The following LHFPL2 variants were observed in gnomAD, a reference collection of about 807,000 sequenced individuals.
LHFPL2 encodes the protein LHFPL tetraspan subfamily member 2, also known as LHFPL tetraspan subfamily member 2 protein.
A neutral mutation model predicts 17.5 loss-of-function variants in LHFPL2; 7 were observed. The ratio of observed to expected loss-of-function variants is 0.40; its 90% CI spans 0.23 to 0.75. The LOEUF (loss-of-function observed/expected upper bound fraction) is 0.75, where lower values mean the gene tolerates loss of function less well. LHFPL2 is among the 30% of genes least tolerant of loss of function. The pLI is 0.37. For missense variants in LHFPL2, 241 were observed against 294.8 expected, an observed-to-expected ratio of 0.82 and a Z score of 1.34; for synonymous variants, 134 against 116.2, an observed-to-expected ratio of 1.15 and a Z score of -0.99.
At chr5:78,513,401 T>C (rs905210036) in intron 3 of LHFPL2, among the ~76,000 whole-genome samples, 5 of 152,210 alleles carry the variant, frequency 3.3e-5, no homozygotes, top group African/African-American at 9.6e-5. Flanking sequence ...CTCACACCCA[T>C]ACAAGATTGG....
chr5:78,535,418 C>G (rs1755918569), intron 3 of LHFPL2, among the ~76,000 whole-genome samples: 1 of 152,162 alleles, frequency 6.6e-6, no homozygotes, highest in African/African-American at 2.4e-5. Context: ...CAGTGCCTCC[C>G]AAAGGGAAGA....
intron 3 of LHFPL2, among the ~76,000 whole-genome samples, chr5:78,554,987 T>C (rs1756535214): frequency 6.6e-6 from 1 of 152,230 alleles, no homozygotes; most frequent in East Asian, 1.9e-4. Flanking sequence ...ATCTCAAAAA[T>C]ATTAATTTTA....
chr5:78,488,751 GGCCTCTCATTGGTCCTGTTTAA>G lies in LHFPL2; in HGVS notation c.*124_*145del, dbSNP rs1754334820. On this transcript the variant is annotated 3_prime_UTR_variant, in exon 5 of 5. Coordinates refer to ENST00000380345, the MANE Select transcript of LHFPL2 (RefSeq NM_005779.3). ...CCAGTAACTTTGCGTAGCTGGATGT[GGCCTCTCATTGGTCCTGTTTAA>G]GCCTCGGGCCGTGGAACGTGGCTTT... 1.3e-6 allele frequency: 1 copy of G among 795,150 alleles called. No homozygotes were observed. Among genetic ancestry groups the G allele is most frequent in the Non-Finnish European group, 2.0e-6 (1 of 488,752 alleles). The allele number at this position is 795,150 out of a possible 1,614,324, so 49.3% of individuals were successfully genotyped here. A position where few individuals can be genotyped will look rare whatever the true frequency, so the allele number is the denominator to read the frequency against.
intron 3 of LHFPL2, among the ~76,000 whole-genome samples, chr5:78,511,649 TAAGG>T (rs1290985131): frequency 2.6e-5 from 4 of 151,952 alleles, no homozygotes; most frequent in Admixed American, 6.5e-5. Context: ...AGCGGAGAAA[TAAGG>T]AAGCCCAGTG....
At chr5:78,534,558 T>C (rs1329501393) in intron 3 of LHFPL2, among the ~76,000 whole-genome samples, 1 of 152,196 alleles carries the variant, frequency 6.6e-6, no homozygotes, top group Admixed American at 6.5e-5. Flanking sequence ...TGGGTTTTCT[T>C]TTCCTGACTC....
chr5:78,554,248 C>A (rs987293234), intron 3 of LHFPL2, among the ~76,000 whole-genome samples: 8 of 152,250 alleles, frequency 5.3e-5, no homozygotes, highest in African/African-American at 1.9e-4. Flanking sequence ...ACAGCGAGCA[C>A]CCAGGACTTC....
chr5:78,586,938 T>C (rs1014310707), intron 2 of LHFPL2, among the ~76,000 whole-genome samples: 3 of 152,222 alleles, frequency 2.0e-5, no homozygotes, highest in African/African-American at 7.2e-5. Flanking sequence ...TGAATACTTA[T>C]TGGATTTTTA....
At chr5:78,489,250 A>C in intron 4 of LHFPL2, 97 bp from the exon 5 acceptor site, 1 of 1,396,890 alleles carries the variant, frequency 7.2e-7, no homozygotes, top group Non-Finnish European at 9.9e-7. Context: ...GCTTTGGGCA[A>C]GGGCATCTAT....
intron 3 of LHFPL2, among the ~76,000 whole-genome samples, chr5:78,540,008 A>G (rs745327416): frequency 8.5e-5 from 13 of 152,220 alleles, no homozygotes; most frequent in Non-Finnish European, 1.5e-4. Flanking sequence ...AGTCTCTACA[A>G]GAATTCTAAA....
At chr5:78,581,479 T>C (rs1421803572) in intron 2 of LHFPL2, among the ~76,000 whole-genome samples, 1 of 152,134 alleles carries the variant, frequency 6.6e-6, no homozygotes, top group Non-Finnish European at 1.5e-5. Flanking sequence ...AATACCTAAT[T>C]TATTGAGAGT....
At chr5:78,647,633 G>A (rs924588087) in intron 1 of LHFPL2, among the ~76,000 whole-genome samples, 2 of 152,104 alleles carry the variant, frequency 1.3e-5, no homozygotes, top group African/African-American at 4.8e-5. Context: ...TACAGGAAAT[G>A]GCCCGGGTGG....
chr5:78,506,895 C>G (rs766541795), intron 4 of LHFPL2, among the ~76,000 whole-genome samples: 2 of 152,106 alleles, frequency 1.3e-5, no homozygotes, highest in African/African-American at 2.4e-5. Flanking sequence ...TGAGATGCTG[C>G]ATAAGTAACA....
intron 2 of LHFPL2, among the ~76,000 whole-genome samples, chr5:78,611,328 G>A (rs1388547410): frequency 1.3e-5 from 2 of 152,220 alleles, no homozygotes; most frequent in African/African-American, 2.4e-5. Context: ...GCTCTCAAAG[G>A]AGAACTCCAC....
At chr5:78,494,982 A>G (rs1433932807) in intron 4 of LHFPL2, among the ~76,000 whole-genome samples, 1 of 152,188 alleles carries the variant, frequency 6.6e-6, no homozygotes, top group African/African-American at 2.4e-5. Context: ...ACCAGTCACA[A>G]ATTTATGTCT....
intron 1 of LHFPL2, among the ~76,000 whole-genome samples, chr5:78,634,137 T>C (rs1745346464): frequency 6.6e-6 from 1 of 152,246 alleles, no homozygotes; most frequent in Admixed American, 6.5e-5. Context: ...AGCATATTTC[T>C]GTAAACAGCA....
intron 2 of LHFPL2, among the ~76,000 whole-genome samples, chr5:78,582,311 T>G (rs1385626228): frequency 6.6e-6 from 1 of 151,672 alleles, no homozygotes; most frequent in Admixed American, 6.6e-5. Flanking sequence ...TTTTAGTTAT[T>G]TCTTGCCTTC....
chr5:78,642,183 G>T lies in LHFPL2; in HGVS notation c.-350+6316C>A, dbSNP rs370278483. ...ATAATGACACTGATCTTATTATGGA[G>T]GTCCCACCCTCAGTATCTCATCTAA... On this transcript the variant is annotated intron_variant, in intron 1 of 4. Transcript: ENST00000380345. The T allele has an allele frequency of 1.1e-4, 17 of 152,168 alleles. No homozygotes were observed. In the East Asian group the frequency reaches 1.7e-3, roughly 16 times the overall value. The allele number at this position is 152,168 out of a possible 1,614,324, so 9.4% of individuals were successfully genotyped here.
intron 4 of LHFPL2, among the ~76,000 whole-genome samples, chr5:78,495,285 A>C (rs7706342): frequency 0.71 from 107,375 of 151,466 alleles, 38,265 homozygotes; most frequent in East Asian, 0.92. Flanking sequence ...TCCCTGACCA[A>C]CCCACCCTCT....
intron 2 of LHFPL2, among the ~76,000 whole-genome samples, chr5:78,569,941 C>T (rs577056079): frequency 2.1e-4 from 32 of 152,334 alleles, no homozygotes; most frequent in African/African-American, 6.5e-4. Flanking sequence ...TAGCCTATAA[C>T]GTGCCAGCCA....
Sources: gnomAD v4.1 joint callset for allele counts (sites outside exome capture counted in the v4.1 genomes callset) on GRCh38, gnomAD v4.1.1 for gene constraint, MANE v1.5 for transcripts, NCBI Gene and HGNC (gene_info 2026-07-23, HGNC 2026-07-21) for gene names.